The following TMEM235 variants were observed in gnomAD, a reference collection of about 807,000 sequenced individuals.
The protein encoded by TMEM235 is transmembrane protein 235.
In TMEM235, 23 loss-of-function variants were observed where a neutral mutation model predicts 22.9. That is an observed-to-expected ratio of 1.00 (90% CI 0.72 to 1.42). The LOEUF is 1.42. TMEM235 is among the 40% of genes most tolerant of loss of function. The pLI, the probability that TMEM235 is intolerant of heterozygous loss-of-function variation, is 0.00. For synonymous variants in TMEM235, 137 were observed against 140.5 expected, an observed-to-expected ratio of 0.98 and a Z score of 0.17; for missense variants, 308 against 299.5, an observed-to-expected ratio of 1.03 and a Z score of -0.21.
rs188557237 is a variant in TMEM235 at position 78,234,367 on chromosome 17, C to T, written c.272-226C>T. 61 of 738,384 alleles carry T rather than the reference C, an allele frequency of 8.3e-5. No homozygotes were observed. The African/African-American group carries it at 9.5e-4, about 11-fold the overall frequency. 45.7% of individuals were successfully genotyped at this position (738,384 alleles called of 1,614,324 possible). A position where few individuals can be genotyped will look rare whatever the true frequency, so the allele number is the denominator to read the frequency against. ...CTGGCGGGTTGGGGGACATGTGAGG[C>T]CTGGGGATGGGGGCTGGGAGTGTTC... is the stretch of plus-strand genomic sequence containing the variant. On this transcript the variant is annotated intron_variant, in intron 3 of 5. Coordinates refer to ENST00000421688, the Ensembl canonical transcript of TMEM235.
chr17:78,234,499 G>C, intron 3 of TMEM235, 94 bp from the exon 3 acceptor site: 1 of 1,505,326 alleles, frequency 6.6e-7, no homozygotes, highest in Non-Finnish European at 8.9e-7. Flanking sequence ...CGCTTTTCCT[G>C]AGAAGACGAA....
exon 6 of TMEM235, chr17:78,240,143 G>T (rs1363963545): frequency 2.6e-6 from 3 of 1,151,386 alleles, no homozygotes; most frequent in East Asian, 4.0e-5. Flanking sequence ...CCCGGGGGAG[G>T]TATGCCACTG....
At chr17:78,236,012 C>T (rs1481124772) in intron 4 of TMEM235, among the ~76,000 whole-genome samples, 1 of 152,200 alleles carries the variant, frequency 6.6e-6, no homozygotes, top group Non-Finnish European at 1.5e-5. Flanking sequence ...TGCCATGATC[C>T]AGTCATCTCC....
chr17:78,232,366 C>T (rs1195655781), intron 2 of TMEM235, among the ~76,000 whole-genome samples, 153 bp downstream of exon 1: 2 of 152,188 alleles, frequency 1.3e-5, no homozygotes, highest in African/African-American at 4.8e-5. Flanking sequence ...CCGCTCCCTC[C>T]CCATCACCCT....
intron 2 of TMEM235, among the ~76,000 whole-genome samples, chr17:78,232,601 C>G (rs2076595759): frequency 1.3e-5 from 2 of 152,230 alleles, no homozygotes; most frequent in Non-Finnish European, 2.9e-5. Context: ...CAGGCACTGT[C>G]AGAGCTGTTC....
rs943667718 is a variant in TMEM235 at position 78,239,126 on chromosome 17, G to A, written c.512G>A (p.Arg171His). The A allele has an allele frequency of 1.3e-5, 20 of 1,543,324 alleles. No homozygotes were observed. The African/African-American group carries it at 2.2e-4, about 17-fold the overall frequency. ...GGCCCGCAGCACATGCAGGGCGTCC[G>A]CGTCAGCTTCGGCTGGTCCATGGCC... is the stretch of plus-strand genomic sequence containing the variant. The change falls in exon 5 of 6, where the codon CGC (arginine) becomes CAC (histidine). Residue 171 changes from arginine (R) to histidine (H), a missense_variant. By Grantham distance (29) the Arg-to-His change is conservative. Around this residue, in one of 2 missense-constraint regions of TMEM235, gnomAD observed 285 missense variants for 256.2 expected, o/e 1.11. Transcript: ENST00000421688.
At chr17:78,232,993 G>A (rs2076601243) in intron 2 of TMEM235, among the ~76,000 whole-genome samples, 1 of 152,210 alleles carries the variant, frequency 6.6e-6, no homozygotes, top group Non-Finnish European at 1.5e-5. Flanking sequence ...GTGAGAGTGT[G>A]TGGGCATGTA....
chr17:78,239,808 A>G, exon 6 of TMEM235: 3 of 1,549,402 alleles, frequency 1.9e-6, no homozygotes, highest in Non-Finnish European at 2.6e-6. Context: ...AGAGCGGCAG[A>G]GGGACCCACC....
chr17:78,233,938 G>C, exon 3 of TMEM235: 1 of 1,535,236 alleles, frequency 6.5e-7, no homozygotes, highest in Non-Finnish European at 8.7e-7. Flanking sequence ...TTGCCAGTGA[G>C]AGCCTGGACG....
chr17:78,239,318 G>A (rs766141863), intron 5 of TMEM235, 45 bp downstream of exon 4: 25 of 1,515,560 alleles, frequency 1.6e-5, no homozygotes, highest in Non-Finnish European at 2.0e-5. Context: ...GGGATTGGGC[G>A]GTCAGGGCCA....
Position 78,233,754 on chromosome 17 carries a change from C to T in TMEM235, c.191-141C>T, listed in dbSNP as rs145980914. 105 of 645,872 alleles carry T rather than the reference C, an allele frequency of 1.6e-4. No homozygotes were observed. In the African/African-American group the frequency reaches 1.8e-3, roughly 11 times the overall value. The allele number at this position is 645,872 out of a possible 1,614,324, so 40.0% of individuals were successfully genotyped here. Reference sequence around the variant, plus strand: ...GCTAAAGGTCTTGGGCCTTTTCATCCCACTTGGAGTCCCAGCCCTGAGTTT... The same window carrying T: ...GCTAAAGGTCTTGGGCCTTTTCATCTCACTTGGAGTCCCAGCCCTGAGTTT... On this transcript the variant is annotated intron_variant, in intron 2 of 5. Coordinates refer to ENST00000421688, the Ensembl canonical transcript of TMEM235.
exon 6 of TMEM235, chr17:78,240,024 G>T (rs1207009570): frequency 1.3e-6 from 2 of 1,515,956 alleles, no homozygotes; most frequent in South Asian, 1.2e-5. Flanking sequence ...AAGCCTGCTA[G>T]GTACTTTTCA....
chr17:78,231,675 C>G, exon 2 of TMEM235: 1 of 1,294,694 alleles, frequency 7.7e-7, no homozygotes, highest in Non-Finnish European at 1.0e-6. Flanking sequence ...TGTTTGGCTG[C>G]TGAGGAGCCG....
intron 2 of TMEM235, among the ~76,000 whole-genome samples, chr17:78,233,025 G>A (rs1411774491): frequency 6.6e-6 from 1 of 152,202 alleles, no homozygotes; most frequent in Non-Finnish European, 1.5e-5. Context: ...GCATGTGTGG[G>A]TGGTGCACAT....
rs139843795 is a variant in TMEM235, at chr17:78,233,984, T to C, written c.271+9T>C. ...GGTGCAGCACCTCATCTGTGAGTCCTGGGTGGGGCCACCTCCCCATCCTTT... is the reference window on the plus strand; with the variant it reads ...GGTGCAGCACCTCATCTGTGAGTCCCGGGTGGGGCCACCTCCCCATCCTTT... On this transcript the variant is annotated intron_variant, in intron 3 of 5. Transcript: ENST00000421688. 2.3e-4 allele frequency: 348 copies of C among 1,515,896 alleles called. 3 individuals carry two copies. In the African/African-American group the frequency reaches 4.1e-3, roughly 18 times the overall value. 93.9% of individuals were successfully genotyped at this position (1,515,896 alleles called of 1,614,324 possible).
chr17:78,231,386 T>C, intron 1 of TMEM235: 16 of 1,260,916 alleles, frequency 1.3e-5, no homozygotes, highest in Non-Finnish European at 1.7e-5. Flanking sequence ...GGAGGGGGCA[T>C]TTGTAATTAT....
chr17:78,231,322 T>G, exon 1 of TMEM235: 1 of 1,100,396 alleles, frequency 9.1e-7, no homozygotes, highest in Non-Finnish European at 1.2e-6. Context: ...CCTAGAAGGT[T>G]CTTTCTGCCT....
chr17:78,232,757 G>A (rs1461857834), intron 2 of TMEM235, among the ~76,000 whole-genome samples: 1 of 149,776 alleles, frequency 6.7e-6, no homozygotes, highest in Admixed American at 6.6e-5. Context: ...CCGGAGCTGG[G>A]GCCAGCCTGG....
chr17:78,231,625 CCT>C lies in TMEM235; in HGVS notation c.-395_-394del. ...CGGTCTCTGGCCGATCCTCCCTCCT[CCT>C]CTCAAGCCCTGCACAGCCCGGCCAG... On this transcript the variant is annotated 5_prime_UTR_variant, in exon 2 of 6. Transcript: ENST00000421688. 1 of 1,303,718 alleles carries C rather than the reference CCT, an allele frequency of 7.7e-7. No individual in the cohort carries two copies. The highest frequency in any genetic ancestry group is 1.0e-6 in the Non-Finnish European group (1 of 988,250). The allele number at this position is 1,303,718 out of a possible 1,614,324, so 80.8% of individuals were successfully genotyped here.
Sources: allele counts gnomAD v4.1 joint callset (sites outside exome capture counted in the v4.1 genomes callset), GRCh38; gene constraint gnomAD v4.1.1; regional missense constraint gnomAD v4.1.1; transcripts MANE v1.5; gene names NCBI Gene and HGNC (gene_info 2026-07-23, HGNC 2026-07-21).